Variants in PIBF1 observed in about 807,000 individuals in gnomAD.
PIBF1 encodes progesterone-induced-blocking factor 1.
A neutral mutation model predicts 112.5 loss-of-function variants in PIBF1; 90 were observed. The ratio of observed to expected loss-of-function variants is 0.80; its 90% CI spans 0.67 to 0.95. PIBF1 has a LOEUF of 0.95. PIBF1 is among the 40% of genes least tolerant of loss of function. PIBF1 has a pLI of 0.00. For synonymous variants in PIBF1, 301 were observed against 288.6 expected (o/e 1.04, Z -0.44); for missense variants, 915 against 852.3 (o/e 1.07, Z -0.92).
intron 17 of PIBF1, among the ~76,000 whole-genome samples, chr13:73,010,810 C>CTTTTTCTTT (rs2044174823): frequency 1.2e-4 from 5 of 40,280 alleles, no homozygotes; most frequent in Admixed American, 4.3e-4. Flanking sequence ...ATTAACTTTT[C>CTTTTTCTTT]TTTTTTTTTT....
At chr13:72,977,666 T>G (rs1454726855) in intron 16 of PIBF1, among the ~76,000 whole-genome samples, 3 of 152,236 alleles carry the variant, frequency 2.0e-5, no homozygotes. Flanking sequence ...TCAGAAACAT[T>G]TGGGGCATGA....
At chr13:72,902,006 A>ATGTGTGTGTG (rs137877705) in intron 11 of PIBF1, among the ~76,000 whole-genome samples, 1,775 of 147,922 alleles carry the variant, frequency 0.012, 17 homozygotes, top group African/African-American at 0.018. Flanking sequence ...GTGTATGTAT[A>ATGTGTGTGTG]TGTGTGTGTG....
intron 10 of PIBF1, among the ~76,000 whole-genome samples, chr13:72,881,523 C>G (rs1184638651): frequency 1.3e-5 from 2 of 152,006 alleles, no homozygotes; most frequent in African/African-American, 4.8e-5. Context: ...TGAGACCAGC[C>G]TGGCCAACAT....
At chr13:72,927,520 T>TA (rs893259304) in intron 13 of PIBF1, among the ~76,000 whole-genome samples, 1 of 151,054 alleles carries the variant, frequency 6.6e-6, no homozygotes, top group Non-Finnish European at 1.5e-5. Flanking sequence ...AAAATTAAAA[T>TA]AAAAAAAAGA....
At chr13:72,798,561 C>A (rs1415055159) in intron 5 of PIBF1, among the ~76,000 whole-genome samples, 1 of 152,100 alleles carries the variant, frequency 6.6e-6, no homozygotes, top group Non-Finnish European at 1.5e-5. Context: ...ATTAATAGCA[C>A]CCCTTTATTT....
intron 13 of PIBF1, among the ~76,000 whole-genome samples, chr13:72,918,955 C>T (rs904976696): frequency 9.2e-5 from 14 of 152,232 alleles, no homozygotes; most frequent in Admixed American, 5.9e-4. Flanking sequence ...CCACCCACCT[C>T]GGCCTCCCAA....
chr13:72,931,938 C>CTTTTTTTTTT (rs59274277), intron 14 of PIBF1, among the ~76,000 whole-genome samples: 1 of 100,834 alleles, frequency 9.9e-6, no homozygotes, highest in Non-Finnish European at 1.9e-5. Context: ...TTGTTTCTTT[C>CTTTTTTTTTT]TTTTTTTTTT....
At chr13:72,971,338 A>G (rs1278788600) in intron 15 of PIBF1, among the ~76,000 whole-genome samples, 2 of 152,174 alleles carry the variant, frequency 1.3e-5, no homozygotes, top group Non-Finnish European at 2.9e-5. Flanking sequence ...CTGGATATTT[A>G]AATTTGAAAA....
chr13:72,951,997 T>C (rs1390142377), intron 14 of PIBF1, among the ~76,000 whole-genome samples: 1 of 151,320 alleles, frequency 6.6e-6, no homozygotes, highest in Non-Finnish European at 1.5e-5. Context: ...TGCATCCAGC[T>C]TTAATTTCTT....
At chr13:72,844,767 ACACACACAC>A (rs1566348537) in intron 9 of PIBF1, among the ~76,000 whole-genome samples, 2 of 130,254 alleles carry the variant, frequency 1.5e-5, no homozygotes, top group African/African-American at 6.1e-5. Context: ...ACACACACAC[ACACACACAC>A]ACACACACAC....
At chr13:72,965,437 T>G in intron 15 of PIBF1, 33 bp downstream of exon 15, 1 of 1,556,624 alleles carries the variant, frequency 6.4e-7, no homozygotes, top group Non-Finnish European at 8.7e-7. Context: ...ATTTGAATAA[T>G]AAAGACATTG....
Position 72,945,663 on chromosome 13 carries a change from CAAAG to C in PIBF1, c.1833+14400_1833+14403del, listed in dbSNP as rs763443711. ...TTTTTTGAAAAACTGTTTTTTAAAA[CAAAG>C]AAAAGCTTCAAATTAACCAGAATTG... On this transcript the variant is annotated intron_variant, in intron 14 of 17. Transcript: ENST00000326291. Among the ~76,000 whole-genome samples the C allele has an allele frequency of 4.2e-4, 64 of 151,882 alleles. 1 individual carries two copies. The highest frequency in any genetic ancestry group is 2.1e-4 in the South Asian group (1 of 4,812).
chr13:72,868,089 C>A (rs1268562885), intron 10 of PIBF1, among the ~76,000 whole-genome samples: 4 of 152,006 alleles, frequency 2.6e-5, no homozygotes, highest in Non-Finnish European at 5.9e-5. Context: ...TACTGGAGGC[C>A]AGGAGTTCAG....
intron 16 of PIBF1, among the ~76,000 whole-genome samples, chr13:72,978,042 T>G (rs763140403): frequency 1.6e-4 from 25 of 152,130 alleles, no homozygotes; most frequent in Non-Finnish European, 3.7e-4. Flanking sequence ...GTGCATAAAT[T>G]GAATTGAGAG....
chr13:72,948,917 G>C (rs1290048420), intron 14 of PIBF1, among the ~76,000 whole-genome samples: 1 of 152,166 alleles, frequency 6.6e-6, no homozygotes, highest in Non-Finnish European at 1.5e-5. Flanking sequence ...AGGTTCTTCT[G>C]ATGACATGTG....
chr13:72,848,319 C>T (rs1468874590), intron 9 of PIBF1, among the ~76,000 whole-genome samples: 2 of 152,002 alleles, frequency 1.3e-5, no homozygotes, highest in Non-Finnish European at 2.9e-5. Context: ...TAGATTCAGC[C>T]TATTGGTACT....
At chr13:72,928,141 T>C (rs1436046019) in intron 13 of PIBF1, among the ~76,000 whole-genome samples, 1 of 150,552 alleles carries the variant, frequency 6.6e-6, no homozygotes, top group Non-Finnish European at 1.5e-5. Context: ...AGACCAATTG[T>C]ACCATGTTGT....
At chr13:72,832,915 A>AG (rs34653925) in intron 8 of PIBF1, among the ~76,000 whole-genome samples, 117,901 of 152,062 alleles carry the variant, frequency 0.78, 46,016 homozygotes, top group South Asian at 0.85. Flanking sequence ...AATCAAACGT[A>AG]TTTTTGTCTT....
chr13:72,886,838 T>A (rs948301319), intron 10 of PIBF1, among the ~76,000 whole-genome samples: 1 of 152,188 alleles, frequency 6.6e-6, no homozygotes, highest in South Asian at 2.1e-4. Flanking sequence ...AGTGAACTGG[T>A]TGAAGAAATC....
Sources: allele counts gnomAD v4.1 joint callset (sites outside exome capture counted in the v4.1 genomes callset), GRCh38; gene constraint gnomAD v4.1.1; transcripts MANE v1.5; gene names NCBI Gene and HGNC (gene_info 2026-07-23, HGNC 2026-07-21).